FBXL20: variants seen among roughly 807,000 people sequenced by gnomAD.
The protein encoded by FBXL20 is F-box and leucine rich repeat protein 20.
FBXL20 carries 11 observed loss-of-function variants against 64.0 expected under a neutral mutation model. That is an observed-to-expected ratio of 0.17 (90% confidence interval 0.11 to 0.28). FBXL20 has a LOEUF of 0.28. Among genes scored for constraint, FBXL20 ranks in the 10% least tolerant of loss-of-function variants. The pLI, the probability that FBXL20 is intolerant of heterozygous loss-of-function variation, is 1.00. For missense variants in FBXL20, 303 were observed against 526.2 expected (o/e 0.58, Z 4.15); for synonymous variants, 184 against 189.0 (o/e 0.97, Z 0.22).
chr17:39,340,185 C>T (rs972448622), intron 2 of FBXL20, among the ~76,000 whole-genome samples: 1 of 152,104 alleles, frequency 6.6e-6, no homozygotes, highest in South Asian at 2.1e-4. Flanking sequence ...CAACCTCTGC[C>T]TCCCGGGTTC....
intron 2 of FBXL20, among the ~76,000 whole-genome samples, chr17:39,306,822 C>T (rs142540804): frequency 4.2e-4 from 64 of 152,268 alleles, no homozygotes; most frequent in African/African-American, 1.5e-3. Context: ...TGTAGAGGCC[C>T]ATGTAAGGGA....
chr17:39,401,444 G>A lies in FBXL20; in HGVS notation c.-42C>T, dbSNP rs138388443. On this transcript the variant is annotated 5_prime_UTR_variant, in exon 1 of 15. Coordinates refer to ENST00000264658, the MANE Select transcript of FBXL20 (RefSeq NM_032875.3). ...GCCCGGGCCGGGCGCTGCGGCGAGCGGAGTGCACAGACCGGGGGCCCAGGA... is the reference window on the plus strand; with the variant it reads ...GCCCGGGCCGGGCGCTGCGGCGAGCAGAGTGCACAGACCGGGGGCCCAGGA... 9.0e-5 allele frequency: 140 copies of A among 1,563,084 alleles called. 1 individual carries two copies. In the Middle Eastern group the frequency reaches 1.8e-3, roughly 20 times the overall value.
chr17:39,401,753 C>G (rs1469615977), upstream of FBXL20: 1 of 1,068,850 alleles, frequency 9.4e-7, no homozygotes, highest in Non-Finnish European at 1.1e-6. Context: ...AGGAGCGCGG[C>G]GGCGGCGGCG....
At chr17:39,304,918 G>A (rs1485396508) in intron 2 of FBXL20, among the ~76,000 whole-genome samples, 2 of 151,882 alleles carry the variant, frequency 1.3e-5, no homozygotes, top group African/African-American at 2.4e-5. Flanking sequence ...TACCACGCCC[G>A]GGTAATTTTT....
intron 1 of FBXL20, among the ~76,000 whole-genome samples, chr17:39,370,544 T>C (rs1313377014): frequency 1.3e-5 from 2 of 149,728 alleles, no homozygotes; most frequent in Non-Finnish European, 3.0e-5. Flanking sequence ...CCCAGCACTT[T>C]GGGAGGCCGA....
chr17:39,382,020 G>T (rs906812482), intron 1 of FBXL20, among the ~76,000 whole-genome samples: 2 of 150,494 alleles, frequency 1.3e-5, no homozygotes, highest in Non-Finnish European at 2.9e-5. Flanking sequence ...TTGAACCTGG[G>T]AGGTGGAGGT....
At chr17:39,284,731 T>C (rs972719627) in intron 7 of FBXL20, among the ~76,000 whole-genome samples, 37 of 152,118 alleles carry the variant, frequency 2.4e-4, no homozygotes, top group African/African-American at 8.0e-4. Flanking sequence ...TTGAGCCACA[T>C]GTAGCTGTCA....
In FBXL20 at chr17:39,253,266, C is replaced by T. The variant is rs1422218165; in HGVS notation, c.*8194G>A. 1 of 152,298 alleles carries T rather than the reference C, an allele frequency of 6.6e-6. No homozygotes were observed. Among genetic ancestry groups the T allele is most frequent in the African/African-American group, 2.4e-5 (1 of 41,424 alleles). The allele number at this position is 152,298 out of a possible 1,614,324, so 9.4% of individuals were successfully genotyped here. The stretch of plus-strand genomic sequence containing the variant: ...ACAGTTCTCTGAGCTCTGCACAGGC[C>T]ACATTATTCGGATCTGTACTCTCAG... On this transcript the variant is annotated 3_prime_UTR_variant, in exon 15 of 15. Transcript: ENST00000264658.
chr17:39,324,014 TC>T (rs796758063), intron 2 of FBXL20, among the ~76,000 whole-genome samples: 27 of 77,362 alleles, frequency 3.5e-4, no homozygotes, highest in South Asian at 8.0e-4. Flanking sequence ...TCCAACCCCC[TC>T]CCCCCCCCAC....
At chr17:39,317,701 G>GTTTTTTTTTTTTT in intron 2 of FBXL20, among the ~76,000 whole-genome samples, 201 of 44,294 alleles carry the variant, frequency 4.5e-3, no homozygotes, top group Non-Finnish European at 7.4e-3. Context: ...TTTTTTTTTT[G>GTTTTTTTTTTTTT]TTTTTTTTTT....
Position 39,285,590 on chromosome 17 carries a change from G to T in FBXL20, c.399-17C>A. The T allele has an allele frequency of 2.0e-6, 3 of 1,538,220 alleles. No homozygotes were observed. In the East Asian group the frequency reaches 6.8e-5, roughly 35 times the overall value. ...GTACATGTACTGAAAAATGGAAAAA[G>T]GAGAAAATAATGAATAAACAAGACA... is the stretch of plus-strand genomic sequence containing the variant. On this transcript the variant is annotated splice_polypyrimidine_tract_variant and intron_variant, in intron 6 of 14. Coordinates refer to ENST00000264658, the MANE Select transcript of FBXL20 (RefSeq NM_032875.3).
chr17:39,369,345 C>T (rs2047892696), intron 1 of FBXL20, among the ~76,000 whole-genome samples: 1 of 149,560 alleles, frequency 6.7e-6, no homozygotes, highest in Non-Finnish European at 1.5e-5. Flanking sequence ...GCAAACTCCA[C>T]CTCCTGGGTT....
intron 2 of FBXL20, among the ~76,000 whole-genome samples, chr17:39,321,509 G>A (rs183943295): frequency 5.7e-4 from 86 of 149,586 alleles, no homozygotes; most frequent in Middle Eastern, 7.1e-3. Context: ...CAGGCACGGT[G>A]ACTCATGCCT....
intron 2 of FBXL20, among the ~76,000 whole-genome samples, chr17:39,309,607 A>T (rs966217200): frequency 1.3e-5 from 2 of 152,052 alleles, no homozygotes; most frequent in Non-Finnish European, 2.9e-5. Flanking sequence ...GTTCGAGACC[A>T]GCCTGGCCAA....
intron 2 of FBXL20, among the ~76,000 whole-genome samples, chr17:39,320,513 A>G (rs1321182650): frequency 6.6e-6 from 1 of 152,204 alleles, no homozygotes; most frequent in South Asian, 2.1e-4. Context: ...GCTTTTGAAT[A>G]TAACTTGTAT....
intron 1 of FBXL20, among the ~76,000 whole-genome samples, chr17:39,361,885 C>T (rs1385433477): frequency 6.6e-6 from 1 of 151,640 alleles, no homozygotes; most frequent in Non-Finnish European, 1.5e-5. Flanking sequence ...ACTGCCCGAG[C>T]CCCGGAGTTC....
At chr17:39,310,198 C>T (rs1316811411) in intron 2 of FBXL20, among the ~76,000 whole-genome samples, 1 of 151,536 alleles carries the variant, frequency 6.6e-6, no homozygotes. Flanking sequence ...TGCTGAAACT[C>T]CTTCTGCTTG....
In FBXL20 at chr17:39,300,992, T is replaced by G. The variant is rs747045739; in HGVS notation, c.234+9A>C. The G allele has an allele frequency of 6.2e-7, 1 of 1,613,626 alleles. No homozygotes were observed. The highest frequency in any genetic ancestry group is 2.2e-5 in the East Asian group (1 of 44,862). ...ATGAAAACTGGGGCCACACACCACA[T>G]AATTATACCTCAATATCCCTCTGGA... On this transcript the variant is annotated intron_variant, in intron 4 of 14. Transcript: ENST00000264658.
chr17:39,398,903 G>A (rs551906136), intron 1 of FBXL20, among the ~76,000 whole-genome samples: 3 of 152,150 alleles, frequency 2.0e-5, no homozygotes, highest in East Asian at 1.9e-4. Context: ...TTGAACTCCT[G>A]ACCTCGTGAT....
Sources: allele counts gnomAD v4.1 joint callset (sites outside exome capture counted in the v4.1 genomes callset), GRCh38; gene constraint gnomAD v4.1.1; transcripts MANE v1.5; gene names NCBI Gene and HGNC (gene_info 2026-07-23, HGNC 2026-07-21).